The following NCOA1 variants were observed in gnomAD, a reference collection of about 807,000 sequenced individuals.
The protein encoded by NCOA1 is nuclear receptor coactivator 1, also known as Hin-2 protein.
In NCOA1, 35 loss-of-function variants were observed where a neutral mutation model predicts 150.9. The observed-to-expected ratio is 0.23, with a 90% CI of 0.18 to 0.31. The LOEUF is 0.31. Ranked by LOEUF, NCOA1 falls within the 10% of genes least tolerant of loss-of-function variation. The pLI, the probability that NCOA1 is intolerant of heterozygous loss-of-function variation, is 1.00. For missense variants in NCOA1, 1,491 were observed against 1,749.3 expected (o/e 0.85, Z 2.63); for synonymous variants, 590 against 630.0 (o/e 0.94, Z 0.95).
rs1182797590 is a variant in NCOA1, at chr2:24,491,579, G to T, written c.-419G>T. Reference sequence around the variant, plus strand: ...GCGGACGAGTGCGGCGCCGGTGAGCGGGGCCCAGAGGCGGCGGCGGCAGGT... The same window carrying T: ...GCGGACGAGTGCGGCGCCGGTGAGCTGGGCCCAGAGGCGGCGGCGGCAGGT... On this transcript the variant is annotated 5_prime_UTR_variant, in exon 1 of 23. Coordinates refer to ENST00000348332, the MANE Select transcript of NCOA1 (RefSeq NM_003743.5). Among the ~76,000 whole-genome samples the T allele has an allele frequency of 2.3e-5, 2 of 87,058 alleles. No homozygotes were observed. Among genetic ancestry groups the T allele is most frequent in the Middle Eastern group, 6.6e-3 (1 of 152 alleles). The allele number at this position is 87,058 out of a possible 152,430, so 57.1% of individuals were successfully genotyped here.
rs536401863 is a variant in NCOA1, at chr2:24,755,993, G to A, written c.3882-1980G>A. Among the ~76,000 whole-genome samples, 156 of 151,498 alleles carry A rather than the reference G, an allele frequency of 1.0e-3. 1 individual carries two copies. Among genetic ancestry groups the A allele is most frequent in the Non-Finnish European group, 1.5e-3 (100 of 67,922 alleles). ...TGATGCCTGTAATCCCAGCACTTTG[G>A]GAGGCCGAGGCAGGTTGATCATCTG... On this transcript the variant is annotated intron_variant, in intron 20 of 22. Coordinates refer to ENST00000348332, the MANE Select transcript of NCOA1 (RefSeq NM_003743.5).
intron 6 of NCOA1, 76 bp downstream of exon 6, chr2:24,665,991 ATTATTATTATTATTATT>A (rs1218318407): frequency 3.3e-5 from 26 of 776,628 alleles, no homozygotes; most frequent in South Asian, 6.4e-5. Context: ...TTACTTTATT[ATTATTATTATTATTATT>A]TTATTATTAT....
intron 20 of NCOA1, among the ~76,000 whole-genome samples, 162 bp from the exon 21 acceptor site, chr2:24,757,811 T>A (rs989081123): frequency 1.3e-5 from 2 of 152,170 alleles, no homozygotes; most frequent in Non-Finnish European, 2.9e-5. Context: ...TATGTAGACT[T>A]CAGAATGTAT....
At chr2:24,577,318 A>C (rs1558807633) in intron 2 of NCOA1, among the ~76,000 whole-genome samples, 1 of 152,224 alleles carries the variant, frequency 6.6e-6, no homozygotes, top group Non-Finnish European at 1.5e-5. Flanking sequence ...ATTAATTGTG[A>C]CATATGCCAC....
intron 3 of NCOA1, among the ~76,000 whole-genome samples, chr2:24,623,723 C>T (rs1669277613): frequency 6.6e-6 from 1 of 152,182 alleles, no homozygotes; most frequent in African/African-American, 2.4e-5. Context: ...CTGGTGAGGC[C>T]TCTCTGTATT....
At position 24,770,553 on chromosome 2, in the gene NCOA1, C is replaced by T. The variant is rs1293664530; in HGVS notation, c.*2162C>T. ...TTCCTGTCATTCCACAGGAAATTCA[C>T]TTTTCCAGCTACTGAATAGAATTTG... On this transcript the variant is annotated 3_prime_UTR_variant, in exon 23 of 23. Transcript: ENST00000348332. 5 of 216,226 alleles carry T rather than the reference C, an allele frequency of 2.3e-5. No homozygotes were observed. The highest frequency in any genetic ancestry group is 1.7e-4 in the Admixed American group (3 of 17,242). 13.4% of individuals were successfully genotyped at this position (216,226 alleles called of 1,614,324 possible).
chr2:24,503,638 G>A (rs2148080419), intron 1 of NCOA1, among the ~76,000 whole-genome samples: 1 of 151,808 alleles, frequency 6.6e-6, no homozygotes, highest in African/African-American at 2.4e-5. Context: ...TCACATGAGA[G>A]TGTATGGCTT....
At chr2:24,679,761 T>C (rs1376660770) in intron 7 of NCOA1, among the ~76,000 whole-genome samples, 6 of 152,134 alleles carry the variant, frequency 3.9e-5, no homozygotes, top group Non-Finnish European at 8.8e-5. Flanking sequence ...CAAAATATTT[T>C]AAAAAAGAGT....
intron 4 of NCOA1, among the ~76,000 whole-genome samples, chr2:24,656,325 G>T (rs1354260792): frequency 2.0e-5 from 3 of 151,958 alleles, no homozygotes; most frequent in African/African-American, 7.3e-5. Context: ...TTTTGTTTTT[G>T]CTTTTATTAT....
chr2:24,767,550 T>G (rs1293635240), intron 22 of NCOA1, among the ~76,000 whole-genome samples: 3 of 152,262 alleles, frequency 2.0e-5, no homozygotes, highest in Non-Finnish European at 4.4e-5. Context: ...CACACTGTTC[T>G]CAAGGCTAAT....
In NCOA1 at chr2:24,683,002, G is replaced by A; in HGVS notation, c.406G>A (p.Val136Met). The A allele has an allele frequency of 1.2e-6, 2 of 1,607,570 alleles. No homozygotes were observed. The highest frequency in any genetic ancestry group is 1.7e-6 in the Non-Finnish European group (2 of 1,177,548). Residue 136 changes from valine to methionine, a missense_variant, in exon 8 of 23, where the codon GTG (valine) becomes ATG (methionine). Transcript: ENST00000348332. The part of the protein sequence containing the change: ...VVNCEGRIVF[V>M]SENVTSYLGY... ...GAACTGTGAAGGGAGAATTGTATTT[G>A]TGTCAGAGAATGTAACCAGCTACTT...
intron 3 of NCOA1, among the ~76,000 whole-genome samples, chr2:24,620,805 C>A (rs1669112649): frequency 6.6e-6 from 1 of 152,008 alleles, no homozygotes; most frequent in Non-Finnish European, 1.5e-5. Context: ...CACAGAATTT[C>A]ATTGAATGGA....
chr2:24,574,199 G>A (rs186144471), intron 2 of NCOA1, among the ~76,000 whole-genome samples: 45 of 152,140 alleles, frequency 3.0e-4, no homozygotes, highest in Admixed American at 1.4e-3. Context: ...AAAATAGTAA[G>A]CGAATACTAT....
chr2:24,696,526 A>T (rs1402270935), intron 10 of NCOA1, among the ~76,000 whole-genome samples: 1 of 152,252 alleles, frequency 6.6e-6, no homozygotes, highest in African/African-American at 2.4e-5. Flanking sequence ...ACTAACTCTT[A>T]CACATTGCTG....
intron 1 of NCOA1, among the ~76,000 whole-genome samples, chr2:24,553,957 G>A (rs752265780): frequency 6.6e-5 from 10 of 152,138 alleles, no homozygotes; most frequent in Non-Finnish European, 1.2e-4. Context: ...GAATTGGTAC[G>A]TTTTATCTAA....
chr2:24,717,150 G>A (rs1674090543), intron 14 of NCOA1, among the ~76,000 whole-genome samples: 1 of 152,166 alleles, frequency 6.6e-6, no homozygotes, highest in African/African-American at 2.4e-5. Flanking sequence ...TCTCGTTGCT[G>A]GTGAGAATAC....
chr2:24,522,668 A>G (rs1163261639), intron 1 of NCOA1, among the ~76,000 whole-genome samples: 1 of 152,218 alleles, frequency 6.6e-6, no homozygotes, highest in Non-Finnish European at 1.5e-5. Flanking sequence ...ATCAAAATGT[A>G]TGTCAAGGGA....
intron 11 of NCOA1, among the ~76,000 whole-genome samples, chr2:24,704,487 T>G (rs1673312074): frequency 6.6e-6 from 1 of 152,088 alleles, no homozygotes; most frequent in African/African-American, 2.4e-5. Context: ...AGAGAAAGAT[T>G]AAGGTTGGGC....
rs202008308 is a variant in NCOA1, at chr2:24,706,762, A to T, written c.1292A>T (p.His431Leu). 1 of 1,614,214 alleles carries T rather than the reference A, an allele frequency of 6.2e-7. No individual in the cohort carries two copies. The highest frequency in any genetic ancestry group is 8.5e-7 in the Non-Finnish European group (1 of 1,180,034). ...AGCTCAGACCTTCATAGCAGCAGTC[A>T]TAGTAATTCTAGCAACAGCCAAGGA... ...QQSSDLHSSS[H>L]SNSSNSQGSF... Residue 431 changes from histidine (H) to leucine (L), a missense_variant, in exon 13 of 23, where the codon CAT (histidine) becomes CTT (leucine). His to Leu is a moderately conservative substitution (Grantham distance 99, BLOSUM62 -3). Coordinates refer to ENST00000348332, the MANE Select transcript of NCOA1 (RefSeq NM_003743.5).
Sources: allele counts gnomAD v4.1 joint callset (sites outside exome capture counted in the v4.1 genomes callset), GRCh38; gene constraint gnomAD v4.1.1; transcripts MANE v1.5; gene names NCBI Gene and HGNC (gene_info 2026-07-23, HGNC 2026-07-21).